Variants in RAF1 observed in about 807,000 individuals in gnomAD.
RAF1 encodes the protein Raf-1 proto-oncogene, serine/threonine kinase.
Under a neutral mutation model 81.1 loss-of-function variants are expected in RAF1, and 27 were observed. The observed-to-expected ratio is 0.33, with a 90% CI of 0.25 to 0.46. The LOEUF is 0.46. Among genes scored for constraint, RAF1 ranks in the 20% least tolerant of loss-of-function variants. RAF1 has a pLI of 1.00. For missense variants in RAF1, 598 were observed against 826.0 expected, an observed-to-expected ratio of 0.72 and a Z score of 3.38; for synonymous variants, 298 against 294.0, an observed-to-expected ratio of 1.01 and a Z score of -0.14.
intron 1 of RAF1, among the ~76,000 whole-genome samples, chr3:12,657,867 C>A (rs201261297): frequency 3.6e-4 from 25 of 69,262 alleles, no homozygotes; most frequent in African/African-American, 1.5e-3. Context: ...AAAAAAAAAA[C>A]AAAACAAAAC....
Position 12,604,390 on chromosome 3 carries a change from T to C in RAF1, c.681-101A>G, listed in dbSNP as rs1575573744. Reference sequence around the variant, plus strand: ...CTAAGTAAGATGCTTAAGGGCAAACTCTACCTGTACAACCTTTGACAAAAT... The same window carrying C: ...CTAAGTAAGATGCTTAAGGGCAAACCCTACCTGTACAACCTTTGACAAAAT... On this transcript the variant is annotated intron_variant, in intron 6 of 17. Coordinates refer to ENST00000442415, the MANE Select transcript of RAF1 (RefSeq NM_001354689.3). 73 of 1,222,682 alleles carry C rather than the reference T, an allele frequency of 6.0e-5. No homozygotes were observed. In the South Asian group the frequency reaches 9.3e-4, roughly 16 times the overall value. The allele number at this position is 1,222,682 out of a possible 1,614,324, so 75.7% of individuals were successfully genotyped here.
chr3:12,590,715 A>G, intron 13 of RAF1, 83 bp downstream of exon 12: 1 of 1,437,106 alleles, frequency 7.0e-7, no homozygotes, highest in Non-Finnish European at 9.8e-7. Context: ...TTAATGGACT[A>G]GAAGGCTTTT....
intron 1 of RAF1, among the ~76,000 whole-genome samples, chr3:12,638,401 T>C (rs2060090224): frequency 6.6e-6 from 1 of 152,358 alleles, no homozygotes; most frequent in African/African-American, 2.4e-5. Flanking sequence ...GGAGTAATTG[T>C]TGACTGGCAG....
At chr3:12,608,270 AAG>A (rs2125414729) in intron 5 of RAF1, among the ~76,000 whole-genome samples, 1 of 152,356 alleles carries the variant, frequency 6.6e-6, no homozygotes, top group Admixed American at 6.5e-5. Flanking sequence ...TGAAAGAAAC[AAG>A]AATCTTTCAA....
chr3:12,639,640 A>C lies in RAF1; in HGVS notation c.-26-20893T>G, dbSNP rs202130025. Among the ~76,000 whole-genome samples the C allele has an allele frequency of 3.9e-5, 6 of 152,316 alleles. No homozygotes were observed. The East Asian group carries it at 1.2e-3, about 29-fold the overall frequency. On this transcript the variant is annotated intron_variant, in intron 1 of 17. Transcript: ENST00000442415. ...ATTCACAATTGCTTCAAAGAGAATA[A>C]AATACCTAGGAATCCGACTTACAAG...
chr3:12,614,702 AG>A (rs10709590), intron 2 of RAF1, among the ~76,000 whole-genome samples: 91,178 of 151,554 alleles, frequency 0.6, 27,936 homozygotes, highest in East Asian at 0.92. Flanking sequence ...CTGGGATTAC[AG>A]GGAAGAGCCT....
chr3:12,593,300 C>A (rs577526799), intron 11 of RAF1, among the ~76,000 whole-genome samples: 1 of 151,996 alleles, frequency 6.6e-6, no homozygotes, highest in African/African-American at 2.4e-5. Flanking sequence ...AGGCTGGTCT[C>A]AAACTCCTGA....
In RAF1 at chr3:12,657,882, CAAAACA is replaced by C. The variant is rs981198844; in HGVS notation, c.-27+5925_-27+5930del. ...AAAAAAAAAACAAAACAAAACAAAA[CAAAACA>C]AAAAAAAACCCTATCACAGTCACTG... On this transcript the variant is annotated intron_variant, in intron 1 of 17. Coordinates refer to ENST00000442415, the MANE Select transcript of RAF1 (RefSeq NM_001354689.3). 0.013 allele frequency among the ~76,000 whole-genome samples: 318 copies of C among 25,328 alleles called. 1 individual carries two copies. The South Asian group carries it at 0.26, about 21-fold the overall frequency. The allele number at this position is 25,328 out of a possible 152,430, so 16.6% of individuals were successfully genotyped here.
At chr3:12,628,907 A>G (rs2125490384) in intron 1 of RAF1, among the ~76,000 whole-genome samples, 1 of 152,020 alleles carries the variant, frequency 6.6e-6, no homozygotes, top group South Asian at 2.1e-4. Flanking sequence ...GTGAGCCACC[A>G]TGCTGGCTAA....
At chr3:12,594,715 A>G (rs2058631458) in intron 11 of RAF1, among the ~76,000 whole-genome samples, 1 of 152,114 alleles carries the variant, frequency 6.6e-6, no homozygotes, top group Non-Finnish European at 1.5e-5. Context: ...TCTTTTTTCC[A>G]TCATCCTAGC....
intron 12 of RAF1, among the ~76,000 whole-genome samples, chr3:12,591,468 T>TTTAC (rs1338825267): frequency 6.6e-6 from 1 of 152,120 alleles, no homozygotes; most frequent in Non-Finnish European, 1.5e-5. Context: ...GGCTATTGAG[T>TTTAC]TTACTGTGCC....
At position 12,586,041 on chromosome 3, in the gene RAF1, G is replaced by A. The variant is rs5746240; in HGVS notation, c.1478-242C>T. ...TGGCCCTAGCCAAAAGCAAGCCAGC[G>A]TTTCTTCCCTGCTTCTTCTCCCCAT... On this transcript the variant is annotated intron_variant, in intron 14 of 17. Transcript: ENST00000442415. The A allele has an allele frequency of 0.018, 9,099 of 493,388 alleles. 671 individuals are homozygous for A. The highest frequency in any genetic ancestry group is 0.16 in the African/African-American group (8,171 of 51,464). The allele number at this position is 493,388 out of a possible 1,614,324, so 30.6% of individuals were successfully genotyped here. A position where few individuals can be genotyped will look rare whatever the true frequency, so the allele number is the denominator to read the frequency against.
Position 12,633,132 on chromosome 3 carries a change from GAGGTT to G in RAF1, c.-26-14390_-26-14386del, listed in dbSNP as rs879752347. 7.1e-3 allele frequency among the ~76,000 whole-genome samples: 1,087 copies of G among 152,160 alleles called. 6 individuals are homozygous for G. Among genetic ancestry groups the G allele is most frequent in the African/African-American group, 0.025 (1,018 of 41,484 alleles). On this transcript the variant is annotated intron_variant, in intron 1 of 17. Transcript: ENST00000442415. ...TAATCTTATCTTTTAAAAAAATAAA[GAGGTT>G]GCAAAGGAATATCAGGCTTTTTAGG...
intron 1 of RAF1, among the ~76,000 whole-genome samples, chr3:12,629,392 TA>T (rs1350098857): frequency 6.6e-6 from 1 of 152,198 alleles, no homozygotes; most frequent in Non-Finnish European, 1.5e-5. Context: ...ATAAATTTCT[TA>T]AAACTCTGTA....
intron 2 of RAF1, among the ~76,000 whole-genome samples, chr3:12,614,887 C>G (rs189407238): frequency 6.6e-6 from 1 of 152,242 alleles, no homozygotes; most frequent in Admixed American, 6.5e-5. Flanking sequence ...ATAAACATAC[C>G]TAACGGAATC....
intron 13 of RAF1, chr3:12,589,176 C>A (rs1209635480): frequency 6.6e-6 from 1 of 152,360 alleles, no homozygotes; most frequent in African/African-American, 2.4e-5. Context: ...TTTAGAGCAA[C>A]CCAAACAGAC....
intron 1 of RAF1, among the ~76,000 whole-genome samples, chr3:12,650,165 A>AG (rs2060478091): frequency 6.7e-6 from 1 of 149,648 alleles, no homozygotes; most frequent in Non-Finnish European, 1.5e-5. Flanking sequence ...AAAAAAAAAA[A>AG]AAAAAAAAAT....
At chr3:12,612,630 C>T (rs1039472537) in intron 2 of RAF1, among the ~76,000 whole-genome samples, 1 of 110,092 alleles carries the variant, frequency 9.1e-6, no homozygotes, top group Non-Finnish European at 1.7e-5. Flanking sequence ...GCCTGGGTGA[C>T]AAGAACGAGA....
At chr3:12,605,604 T>C (rs555779804) in intron 6 of RAF1, among the ~76,000 whole-genome samples, 1 of 152,242 alleles carries the variant, frequency 6.6e-6, no homozygotes, top group African/African-American at 2.4e-5. Flanking sequence ...GGATGTAGAT[T>C]TTACTTTAGG....
Sources: gnomAD v4.1 joint callset for allele counts (sites outside exome capture counted in the v4.1 genomes callset) on GRCh38, gnomAD v4.1.1 for gene constraint, MANE v1.5 for transcripts, NCBI Gene and HGNC (gene_info 2026-07-23, HGNC 2026-07-21) for gene names.